DHRS7B: variants seen among roughly 807,000 people sequenced by gnomAD.
DHRS7B encodes dehydrogenase/reductase 7B.
A neutral mutation model predicts 26.4 loss-of-function variants in DHRS7B; 24 were observed. The ratio of observed to expected loss-of-function variants is 0.91; its 90% confidence interval spans 0.66 to 1.28. The LOEUF (loss-of-function observed/expected upper bound fraction) is 1.28. DHRS7B is among the 50% of genes most tolerant of loss of function. DHRS7B has a pLI of 0.00. For missense variants in DHRS7B, 368 were observed against 419.4 expected, an observed-to-expected ratio of 0.88 and a Z score of 1.07; for synonymous variants, 142 against 166.4, an observed-to-expected ratio of 0.85 and a Z score of 1.13.
intron 1 of DHRS7B, among the ~76,000 whole-genome samples, chr17:21,147,257 A>G (rs1973661660): frequency 6.6e-6 from 1 of 152,130 alleles, no homozygotes; most frequent in Non-Finnish European, 1.5e-5. Context: ...TGTGCCTTAT[A>G]TCAGTGAAGA....
chr17:21,129,082 A>G (rs991154455), intron 1 of DHRS7B, among the ~76,000 whole-genome samples: 1 of 152,176 alleles, frequency 6.6e-6, no homozygotes, highest in African/African-American at 2.4e-5. Context: ...TGTGGATACA[A>G]TGATGATCAA....
chr17:21,168,894 T>TG, intron 1 of DHRS7B: 2 of 985,350 alleles, frequency 2.0e-6, no homozygotes, highest in African/African-American at 3.5e-5. Flanking sequence ...TACAAGACGG[T>TG]GTGTAGTTTT....
intron 2 of DHRS7B, among the ~76,000 whole-genome samples, chr17:21,175,302 T>C (rs150175808): frequency 7.2e-5 from 11 of 152,244 alleles, no homozygotes; most frequent in African/African-American, 2.4e-4. Flanking sequence ...GTTTGACACT[T>C]CTCTAAGGGC....
At chr17:21,185,670 T>C (rs1208305089) in intron 5 of DHRS7B, among the ~76,000 whole-genome samples, 2 of 151,868 alleles carry the variant, frequency 1.3e-5, no homozygotes, top group African/African-American at 4.8e-5. Context: ...ATGTTAATAA[T>C]AGGTAAATCA....
intron 2 of DHRS7B, 121 bp downstream of exon 2, chr17:21,172,317 G>A: frequency 8.0e-7 from 1 of 1,256,140 alleles, no homozygotes; most frequent in Non-Finnish European, 1.1e-6. Flanking sequence ...GGCCAGATAA[G>A]GGAAGTGGGC....
At chr17:21,176,377 G>A (rs977564485) in intron 2 of DHRS7B, among the ~76,000 whole-genome samples, 1 of 152,010 alleles carries the variant, frequency 6.6e-6, no homozygotes, top group Non-Finnish European at 1.5e-5. Flanking sequence ...ATGGCAGGAA[G>A]ATCGCTTGAG....
chr17:21,169,216 A>G (rs1974181745), intron 1 of DHRS7B, among the ~76,000 whole-genome samples: 1 of 152,208 alleles, frequency 6.6e-6, no homozygotes, highest in Middle Eastern at 3.2e-3. Context: ...GTTTATGAAA[A>G]TATAGAAGTT....
intron 6 of DHRS7B, among the ~76,000 whole-genome samples, chr17:21,189,746 C>A (rs976863381): frequency 2.6e-5 from 4 of 152,300 alleles, no homozygotes; most frequent in South Asian, 2.1e-4. Context: ...CTAGAAGATA[C>A]CACTTAAAAA....
intron 1 of DHRS7B, among the ~76,000 whole-genome samples, chr17:21,165,187 C>T (rs1974084124): frequency 6.6e-6 from 1 of 152,062 alleles, no homozygotes; most frequent in African/African-American, 2.4e-5. Context: ...GTCCCCCTCC[C>T]CCATGCTGGC....
chr17:21,144,655 T>TA (rs1973601639), intron 1 of DHRS7B, among the ~76,000 whole-genome samples: 3 of 151,824 alleles, frequency 2.0e-5, no homozygotes, highest in African/African-American at 7.3e-5. Context: ...CTGTCTCTAC[T>TA]AAAAATACAA....
At chr17:21,135,638 A>G (rs1973324429) in intron 1 of DHRS7B, among the ~76,000 whole-genome samples, 1 of 152,210 alleles carries the variant, frequency 6.6e-6, no homozygotes, top group South Asian at 2.1e-4. Context: ...AAAATTTTAT[A>G]AATAATCTAT....
chr17:21,154,825 G>A (rs1453346500), intron 1 of DHRS7B, among the ~76,000 whole-genome samples: 1 of 152,198 alleles, frequency 6.6e-6, no homozygotes, highest in African/African-American at 2.4e-5. Context: ...TGTAAGGGAA[G>A]AGAGGGAAGA....
At chr17:21,151,146 G>A (rs1000899719) in intron 1 of DHRS7B, among the ~76,000 whole-genome samples, 2 of 152,192 alleles carry the variant, frequency 1.3e-5, no homozygotes, top group Admixed American at 6.5e-5. Context: ...TTAGTGTCTG[G>A]CTTCTCATTA....
chr17:21,159,565 A>G (rs918754958), intron 1 of DHRS7B, among the ~76,000 whole-genome samples: 2 of 151,932 alleles, frequency 1.3e-5, no homozygotes, highest in Non-Finnish European at 2.9e-5. Context: ...AATATTTTCG[A>G]AAGACACATT....
intron 1 of DHRS7B, among the ~76,000 whole-genome samples, chr17:21,141,926 C>T (rs375485332): frequency 1.8e-4 from 28 of 152,124 alleles, no homozygotes; most frequent in African/African-American, 6.5e-4. Context: ...AGGGCATCTC[C>T]ACTCAGAATA....
At chr17:21,149,585 G>A (rs992734043) in intron 1 of DHRS7B, among the ~76,000 whole-genome samples, 2 of 152,126 alleles carry the variant, frequency 1.3e-5, no homozygotes, top group African/African-American at 4.8e-5. Flanking sequence ...ATAAAATTAT[G>A]TAAATTAAGA....
Position 21,178,658 on chromosome 17 carries a change from T to G in DHRS7B, c.309+316T>G, listed in dbSNP as rs1336456688. The stretch of plus-strand genomic sequence containing the variant: ...GGGATGGTGATAACTTTAAAAGGTG[T>G]TTTTTTTTTTTTTTTTGGGACACGG... On this transcript the variant is annotated intron_variant, in intron 3 of 6. Transcript: ENST00000395511. Among the ~76,000 whole-genome samples the G allele has an allele frequency of 4.2e-4, 12 of 28,802 alleles. No individual in the cohort carries two copies. In the East Asian group the frequency reaches 7.0e-3, roughly 17 times the overall value. 18.9% of individuals were successfully genotyped at this position (28,802 alleles called of 152,430 possible).
chr17:21,146,859 A>G (rs1269622957), intron 1 of DHRS7B, among the ~76,000 whole-genome samples: 4 of 152,214 alleles, frequency 2.6e-5, no homozygotes, highest in Admixed American at 1.3e-4. Flanking sequence ...AATTCTTACA[A>G]CAAGAGGAAA....
intron 3 of DHRS7B, among the ~76,000 whole-genome samples, chr17:21,182,449 A>C (rs758004563): frequency 1.3e-5 from 2 of 152,074 alleles, no homozygotes; most frequent in Non-Finnish European, 2.9e-5. Context: ...GGGTTTCTCC[A>C]TGTTAGTCAG....
Sources: gnomAD v4.1 joint callset for allele counts (sites outside exome capture counted in the v4.1 genomes callset) on GRCh38, gnomAD v4.1.1 for gene constraint, MANE v1.5 for transcripts, NCBI Gene and HGNC (gene_info 2026-07-23, HGNC 2026-07-21) for gene names.